The following ATP2B4 variants were observed in gnomAD, a reference collection of about 807,000 sequenced individuals.
ATP2B4 encodes ATPase plasma membrane Ca2+ transporting 4, also known as plasma membrane calcium-transporting ATPase 4.
Under a neutral mutation model 110.3 loss-of-function variants are expected in ATP2B4, and 39 were observed. That is an observed-to-expected ratio of 0.35 (90% CI 0.27 to 0.46). ATP2B4 has a LOEUF of 0.46. ATP2B4 is among the 20% of genes least tolerant of loss of function. The pLI is 1.00. For missense variants in ATP2B4, 1,135 were observed against 1,530.9 expected (o/e 0.74, Z 4.32); for synonymous variants, 538 against 571.7 (o/e 0.94, Z 0.84).
chr1:203,633,041 G>GA (rs1663323920), intron 1 of ATP2B4, among the ~76,000 whole-genome samples: 1 of 152,076 alleles, frequency 6.6e-6, no homozygotes, highest in African/African-American at 2.4e-5. Flanking sequence ...AGTGCTCCTT[G>GA]AAAAAATGAC....
chr1:203,669,459 G>A (rs570036153), intron 1 of ATP2B4, among the ~76,000 whole-genome samples: 1 of 152,160 alleles, frequency 6.6e-6, no homozygotes, highest in African/African-American at 2.4e-5. Context: ...TTTTTGAGAT[G>A]GAGTCTGGCT....
chr1:203,710,889 C>T lies in ATP2B4; in HGVS notation c.1812C>T (p.Ile604=). Reference sequence around the variant, plus strand: ...TGCGCCTCCCCAGGTGTAATCGAATCCTGGACCGGAAAGGGGAAGCAGTGC... The same window carrying T: ...TGCGCCTCCCCAGGTGTAATCGAATTCTGGACCGGAAAGGGGAAGCAGTGC... The part of the protein sequence containing the change: ...SEIILRKCNR[I]LDRKGEAVPF... The change falls in exon 12 of 21, where the codon ATC becomes ATT. Residue 604 remains isoleucine (I), a synonymous_variant. Transcript: ENST00000357681. 1 of 1,613,152 alleles carries T rather than the reference C, an allele frequency of 6.2e-7. No homozygotes were observed. Among genetic ancestry groups the T allele is most frequent in the Non-Finnish European group, 8.5e-7 (1 of 1,179,502 alleles).
chr1:203,629,832 A>T lies in ATP2B4; in HGVS notation c.-465+2613A>T, dbSNP rs1663209126. 6.6e-6 allele frequency among the ~76,000 whole-genome samples: 1 copy of T among 152,088 alleles called. No homozygotes were observed. Among genetic ancestry groups the T allele is most frequent in the Non-Finnish European group, 1.5e-5 (1 of 68,034 alleles). On this transcript the variant is annotated intron_variant, in intron 1 of 20. Transcript: ENST00000357681. This position sits in a 1 kb window ranked among gnomAD's most constrained non-coding sequence, Gnocchi z 4.6. The stretch of plus-strand genomic sequence containing the variant: ...AAGTCAAAGGAGCACAGCCCGTCTT[A>T]CCCCTGGGACTCCCAGCGCCCAGCA...
At chr1:203,653,478 G>A (rs576842124) in intron 1 of ATP2B4, among the ~76,000 whole-genome samples, 1 of 152,318 alleles carries the variant, frequency 6.6e-6, no homozygotes, top group South Asian at 2.1e-4. Context: ...CTTGGAAAAA[G>A]ATGCCATCTA....
At chr1:203,646,404 G>A (rs192420393) in intron 1 of ATP2B4, among the ~76,000 whole-genome samples, 7 of 152,196 alleles carry the variant, frequency 4.6e-5, no homozygotes, top group African/African-American at 1.7e-4. Flanking sequence ...CTTGAGTCCA[G>A]GAGTTTGAAT....
intron 13 of ATP2B4, 79 bp downstream of exon 13, chr1:203,712,218 T>C: frequency 6.8e-7 from 1 of 1,479,786 alleles, no homozygotes; most frequent in Non-Finnish European, 9.1e-7. Context: ...CTGGGTCATG[T>C]GCGGGAAGGT....
chr1:203,674,100 C>T (rs1451969547), intron 1 of ATP2B4, among the ~76,000 whole-genome samples: 1 of 152,186 alleles, frequency 6.6e-6, no homozygotes, highest in Non-Finnish European at 1.5e-5. Flanking sequence ...TGCGTCCTGT[C>T]TGTGGCCTAG....
At chr1:203,698,105 ATCATTTTCCTTTTT>A in intron 2 of ATP2B4, 38 bp from the exon 3 acceptor site, 1 of 1,566,216 alleles carries the variant, frequency 6.4e-7, no homozygotes, top group Non-Finnish European at 8.8e-7. Flanking sequence ...ACTGCCTTTT[ATCATTTTCCTTTTT>A]TCCTACATTC....
chr1:203,641,515 C>T (rs2102305864), intron 1 of ATP2B4, among the ~76,000 whole-genome samples: 1 of 152,236 alleles, frequency 6.6e-6, no homozygotes, highest in East Asian at 1.9e-4. Context: ...TGGTTGAAGC[C>T]CCTAAATAAG....
rs114037945 is a variant in ATP2B4, at chr1:203,723,500, C to G, written c.3025-381C>G. On this transcript the variant is annotated intron_variant, in intron 18 of 20. Transcript: ENST00000357681. ...TCTCTCTCTCTTTTCCCCCCTCCCC[C>G]AGGGGGAGTGCAGCCTCAGTCTCCC... 7.4e-3 allele frequency among the ~76,000 whole-genome samples: 1,084 copies of G among 147,108 alleles called. 29 individuals carry two copies. Among genetic ancestry groups the G allele is most frequent in the African/African-American group, 0.026 (1,023 of 39,222 alleles).
At chr1:203,653,638 T>C (rs1266431404) in intron 1 of ATP2B4, among the ~76,000 whole-genome samples, 1 of 152,114 alleles carries the variant, frequency 6.6e-6, no homozygotes, top group Non-Finnish European at 1.5e-5. Flanking sequence ...TTTATGAATT[T>C]TCCACCCCTC....
chr1:203,655,464 G>A (rs1163265544), intron 1 of ATP2B4, among the ~76,000 whole-genome samples: 1 of 152,084 alleles, frequency 6.6e-6, no homozygotes, highest in Non-Finnish European at 1.5e-5. Context: ...TGGCCAACAT[G>A]GAGAAACCCT....
chr1:203,686,685 CT>C (rs779048789), intron 2 of ATP2B4, among the ~76,000 whole-genome samples: 546 of 42,764 alleles, frequency 0.013, 16 homozygotes, highest in African/African-American at 0.051. Flanking sequence ...TCTTTTCTTT[CT>C]TTTTTTTTTT....
intron 20 of ATP2B4, among the ~76,000 whole-genome samples, chr1:203,738,543 ATCC>A (rs1227286851): frequency 6.6e-6 from 1 of 151,884 alleles, no homozygotes; most frequent in Non-Finnish European, 1.5e-5. Flanking sequence ...CCTTTCCTTC[ATCC>A]TCTTCATCCA....
intron 20 of ATP2B4, among the ~76,000 whole-genome samples, chr1:203,737,093 C>G (rs1301204772): frequency 6.6e-6 from 1 of 152,148 alleles, no homozygotes; most frequent in Non-Finnish European, 1.5e-5. Context: ...CTACCCATCC[C>G]CAATTCACTT....
At chr1:203,724,865 CTGTT>C (rs1242708511) in intron 19 of ATP2B4, among the ~76,000 whole-genome samples, 1 of 101,454 alleles carries the variant, frequency 9.9e-6, no homozygotes, top group Non-Finnish European at 1.9e-5. Flanking sequence ...ATCCAGCTCT[CTGTT>C]TTTTTTTTTT....
intron 19 of ATP2B4, among the ~76,000 whole-genome samples, chr1:203,724,883 T>G (rs1253653581): frequency 1.4e-5 from 2 of 145,260 alleles, no homozygotes; most frequent in Non-Finnish European, 3.0e-5. Context: ...TTTTTTTTTT[T>G]TTTTTTTTTC....
In ATP2B4 at chr1:203,629,622, C is replaced by T. The variant is rs1468594376; in HGVS notation, c.-465+2403C>T. On this transcript the variant is annotated intron_variant, in intron 1 of 20. Transcript: ENST00000357681. This position sits in a 1 kb window ranked among gnomAD's most constrained non-coding sequence, Gnocchi z 4.6. ...CTGCGGCCCCTGTGCTCTCCGCGGC[C>T]TCTGCGACCCCGCCCCGCCAGCCTC... Among the ~76,000 whole-genome samples, 1 of 152,142 alleles carries T rather than the reference C, an allele frequency of 6.6e-6. No individual in the cohort carries two copies. The highest frequency in any genetic ancestry group is 1.5e-5 in the Non-Finnish European group (1 of 68,014).
chr1:203,636,329 C>T (rs1663436340), intron 1 of ATP2B4, among the ~76,000 whole-genome samples: 1 of 152,122 alleles, frequency 6.6e-6, no homozygotes, highest in South Asian at 2.1e-4. Context: ...GTGCTACCCA[C>T]CCCCGCCTCC....
Sources: allele counts gnomAD v4.1 joint callset (sites outside exome capture counted in the v4.1 genomes callset), GRCh38; gene constraint gnomAD v4.1.1; non-coding constraint Gnocchi (gnomAD v3.1); transcripts MANE v1.5; gene names NCBI Gene and HGNC (gene_info 2026-07-23, HGNC 2026-07-21).